Variants in CPM observed in about 807,000 individuals in gnomAD.
The protein encoded by CPM is renal carboxypeptidase.
In CPM, 35 loss-of-function variants were observed where a neutral mutation model predicts 46.4. The observed-to-expected ratio is 0.75, with a 90% confidence interval of 0.58 to 1.00. The LOEUF (loss-of-function observed/expected upper bound fraction) is 1.00, where lower values mean the gene tolerates loss of function less well. Among genes scored for constraint, CPM ranks in the 50% least tolerant of loss-of-function variants. The probability of loss-of-function intolerance (pLI) is 0.00; values close to 1 mark genes in which losing one functional copy is unlikely to be tolerated. For missense variants in CPM, 422 were observed against 530.4 expected, an observed-to-expected ratio of 0.80 and a Z score of 2.01; for synonymous variants, 195 against 195.3, an observed-to-expected ratio of 1.00 and a Z score of 0.01.
chr12:68,912,172 T>C (rs61926291), intron 2 of CPM, among the ~76,000 whole-genome samples: 1 of 152,138 alleles, frequency 6.6e-6, no homozygotes, highest in Non-Finnish European at 1.5e-5. Context: ...CACACTCGGC[T>C]AATTTTGTAT....
At chr12:68,938,306 G>C (rs549854460) in intron 1 of CPM, among the ~76,000 whole-genome samples, 1 of 152,142 alleles carries the variant, frequency 6.6e-6, no homozygotes, top group African/African-American at 2.4e-5. Flanking sequence ...GGAGGCTGGG[G>C]CAGGAGGATT....
chr12:68,871,555 G>A, intron 4 of CPM: 3 of 531,786 alleles, frequency 5.6e-6, no homozygotes, highest in Non-Finnish European at 1.0e-5. Flanking sequence ...AGTGGCAAAT[G>A]AAGATGGAGA....
Position 68,932,712 on chromosome 12 carries a change from G to A in CPM, c.126C>T (p.Val42=), listed in dbSNP as rs1274962339. 2 of 1,614,066 alleles carry A rather than the reference G, an allele frequency of 1.2e-6. No homozygotes were observed. Among genetic ancestry groups the A allele is most frequent in the Non-Finnish European group, 1.7e-6 (2 of 1,180,046 alleles). Reference sequence around the variant, plus strand: ...ATTTCCCAATACTGTGTAAGTGAGTGACAGAACTGTAGTTTTGGGCAACAG... The same window carrying A: ...ATTTCCCAATACTGTGTAAGTGAGTAACAGAACTGTAGTTTTGGGCAACAG... The part of the protein sequence containing the change: ...LKTVAQNYSS[V]THLHSIGKSV... Residue 42 remains valine (V), a synonymous_variant, in exon 2 of 9, where the codon GTC becomes GTT. Transcript: ENST00000551568.
intron 1 of CPM, among the ~76,000 whole-genome samples, chr12:68,952,290 C>T (rs1010429223): frequency 1.3e-5 from 2 of 152,190 alleles, no homozygotes; most frequent in Admixed American, 1.3e-4. Context: ...GAGCTGGTCC[C>T]TGCTCTTCCC....
At chr12:68,955,890 T>C (rs1447323116) in intron 1 of CPM, among the ~76,000 whole-genome samples, 2 of 151,970 alleles carry the variant, frequency 1.3e-5, no homozygotes, top group Non-Finnish European at 2.9e-5. Context: ...AAAAGCACCA[T>C]AAGTTCTCAT....
intron 3 of CPM, among the ~76,000 whole-genome samples, chr12:68,879,807 A>G: frequency 6.6e-6 from 1 of 152,190 alleles, no homozygotes; most frequent in South Asian, 2.1e-4. Context: ...GATAGAAGAT[A>G]AGCACAAAAC....
At chr12:68,937,817 C>CT (rs1239547322), upstream of CPM, among the ~76,000 whole-genome samples, 1 of 152,096 alleles carries the variant, frequency 6.6e-6, no homozygotes, top group African/African-American at 2.4e-5. Flanking sequence ...ACATGCATTG[C>CT]TTTTTTAAAT....
intron 3 of CPM, among the ~76,000 whole-genome samples, chr12:68,882,027 T>TG (rs1886213893): frequency 3.3e-5 from 5 of 149,516 alleles, no homozygotes; most frequent in South Asian, 4.2e-4. Flanking sequence ...CGGCCTGCTT[T>TG]TTTTTTTTTT....
chr12:68,851,096 T>C (rs1884652568), downstream of CPM: 1 of 152,610 alleles, frequency 6.6e-6, no homozygotes, highest in Non-Finnish European at 1.5e-5. Flanking sequence ...TATTTGGTGG[T>C]AATCAGTTAT....
intron 7 of CPM, among the ~76,000 whole-genome samples, chr12:68,863,623 C>T (rs1239293618): frequency 6.6e-6 from 1 of 152,194 alleles, no homozygotes; most frequent in African/African-American, 2.4e-5. Flanking sequence ...GTTGACTACA[C>T]TGAGATTCAG....
In CPM at chr12:68,852,466, G is replaced by A. The variant is rs541320376; in HGVS notation, c.*3971C>T. The A allele has an allele frequency of 7.2e-5, 11 of 152,080 alleles. No homozygotes were observed. The highest frequency in any genetic ancestry group is 1.9e-4 in the African/African-American group (8 of 41,414). The allele number at this position is 152,080 out of a possible 1,614,324, so 9.4% of individuals were successfully genotyped here. A position where few individuals can be genotyped will look rare whatever the true frequency, so the allele number is the denominator to read the frequency against. ...TCACAGAATCACCGTTCAGCGTGGCGGGGGGTGGTCTCCATTTTACAGATA... is the reference window on the plus strand; with the variant it reads ...TCACAGAATCACCGTTCAGCGTGGCAGGGGGTGGTCTCCATTTTACAGATA... On this transcript the variant is annotated 3_prime_UTR_variant, in exon 9 of 9. Coordinates refer to ENST00000551568, the MANE Select transcript of CPM (RefSeq NM_198320.5).
intron 6 of CPM, 66 bp downstream of exon 6, chr12:68,869,259 A>G: frequency 1.3e-6 from 2 of 1,507,882 alleles, no homozygotes; most frequent in Non-Finnish European, 1.8e-6. Flanking sequence ...GCTGGATCAA[A>G]ATAAACCAGC....
intron 2 of CPM, among the ~76,000 whole-genome samples, chr12:68,889,060 A>C (rs1214710318): frequency 6.6e-6 from 1 of 152,186 alleles, no homozygotes; most frequent in Non-Finnish European, 1.5e-5. Context: ...CCAATTCCTG[A>C]GCCCCAGTCT....
Position 68,873,988 on chromosome 12 carries a change from T to A in CPM, c.259-2032A>T, listed in dbSNP as rs1432538314. ...GTCTGGCTAATTTTGATATTTTTAGTAGAGACAGGGTTTCACCATGTTGGC... is the reference window on the plus strand; with the variant it reads ...GTCTGGCTAATTTTGATATTTTTAGAAGAGACAGGGTTTCACCATGTTGGC... On this transcript the variant is annotated intron_variant, in intron 3 of 8. Coordinates refer to ENST00000551568, the MANE Select transcript of CPM (RefSeq NM_198320.5). Among the ~76,000 whole-genome samples, 11 of 151,998 alleles carry A rather than the reference T, an allele frequency of 7.2e-5. 1 individual carries two copies. The highest frequency in any genetic ancestry group is 7.2e-4 in the Admixed American group (11 of 15,258).
intron 2 of CPM, chr12:68,913,726 T>TTCAGGCTAC (rs1887692615): frequency 2.5e-6 from 1 of 402,544 alleles, no homozygotes; most frequent in Non-Finnish European, 4.8e-6. Flanking sequence ...TGTGGCAGAC[T>TTCAGGCTAC]TCAGGCTACT....
chr12:68,925,483 G>A (rs2647952), intron 2 of CPM, among the ~76,000 whole-genome samples: 117,034 of 152,138 alleles, frequency 0.77, 45,311 homozygotes, highest in African/African-American at 0.87. Flanking sequence ...TCATAACAGC[G>A]AAAGTTTAGA....
At chr12:68,892,681 G>A (rs1456056752) in intron 2 of CPM, among the ~76,000 whole-genome samples, 1 of 151,978 alleles carries the variant, frequency 6.6e-6, no homozygotes, top group Non-Finnish European at 1.5e-5. Context: ...CTAACATCGC[G>A]AAACCCTGTC....
chr12:68,947,606 A>G (rs1888868802), intron 1 of CPM, among the ~76,000 whole-genome samples: 1 of 151,744 alleles, frequency 6.6e-6, no homozygotes, highest in Non-Finnish European at 1.5e-5. Context: ...CAAAAAAAAA[A>G]AAAGAAAAGA....
Position 68,884,209 on chromosome 12 carries a change from G to A in CPM, c.258+1583C>T, listed in dbSNP as rs1440306831. Among the ~76,000 whole-genome samples the A allele has an allele frequency of 2.6e-5, 4 of 151,244 alleles. No individual in the cohort carries two copies. The East Asian group carries it at 7.7e-4, about 29-fold the overall frequency. ...AAAGGGAAACGCAGTCTGAGCTGCTGTCTATAACGAACAGTTGTTTTATTA... is the reference window on the plus strand; with the variant it reads ...AAAGGGAAACGCAGTCTGAGCTGCTATCTATAACGAACAGTTGTTTTATTA... On this transcript the variant is annotated intron_variant, in intron 3 of 8. Transcript: ENST00000551568.
Sources: allele counts gnomAD v4.1 joint callset (sites outside exome capture counted in the v4.1 genomes callset), GRCh38; gene constraint gnomAD v4.1.1; transcripts MANE v1.5; gene names NCBI Gene and HGNC (gene_info 2026-07-23, HGNC 2026-07-21).